Variants in ZNF516 observed in about 807,000 individuals in gnomAD.
ZNF516 encodes the protein zinc finger protein 516.
In ZNF516, 19 loss-of-function variants were observed where a neutral mutation model predicts 79.7. The observed-to-expected ratio is 0.24, with a 90% confidence interval of 0.17 to 0.35. ZNF516 has a LOEUF of 0.35. Ranked by LOEUF, ZNF516 falls within the 10% of genes least tolerant of loss-of-function variation. The probability of loss-of-function intolerance (pLI) is 1.00; values close to 1 mark genes in which losing one functional copy is unlikely to be tolerated. For synonymous variants in ZNF516, 877 were observed against 739.5 expected (o/e 1.19, Z -3.02); for missense variants, 1,678 against 1,679.5 (o/e 1.00, Z 0.02).
intron 3 of ZNF516, among the ~76,000 whole-genome samples, chr18:76,410,208 C>G (rs1333671878): frequency 6.6e-6 from 1 of 152,182 alleles, no homozygotes. Flanking sequence ...TGCTGGCTGG[C>G]AAGGACAGGG....
chr18:76,454,553 A>G (rs937841418), intron 2 of ZNF516, among the ~76,000 whole-genome samples: 3 of 152,354 alleles, frequency 2.0e-5, no homozygotes, highest in South Asian at 2.1e-4. Context: ...TAACATACAC[A>G]GCACCTTTGA....
chr18:76,406,893 G>A (rs1193904285), intron 3 of ZNF516, among the ~76,000 whole-genome samples: 4 of 152,186 alleles, frequency 2.6e-5, no homozygotes, highest in African/African-American at 4.8e-5. Flanking sequence ...CAGCAGCCGA[G>A]TGGCCGCATC....
chr18:76,480,507 A>C (rs1914453662), intron 1 of ZNF516, among the ~76,000 whole-genome samples: 1 of 73,846 alleles, frequency 1.4e-5, no homozygotes, highest in African/African-American at 1.0e-4. Flanking sequence ...ACACACACAC[A>C]CACACACACA....
intron 1 of ZNF516, among the ~76,000 whole-genome samples, chr18:76,469,535 T>C (rs1913702916): frequency 6.6e-6 from 1 of 152,116 alleles, no homozygotes; most frequent in Admixed American, 6.6e-5. Flanking sequence ...TAAGAAGAAA[T>C]TAAAAATTAC....
Position 76,360,785 on chromosome 18 carries a change from T to C in ZNF516, c.*1713A>G. Reference sequence around the variant, plus strand: ...AGAATCCAGAACCAAACATTACTAATAACAATAACAATAATAATAATAATA... The same window carrying C: ...AGAATCCAGAACCAAACATTACTAACAACAATAACAATAATAATAATAATA... On this transcript the variant is annotated 3_prime_UTR_variant, in exon 7 of 7. Coordinates refer to ENST00000443185, the MANE Select transcript of ZNF516 (RefSeq NM_014643.4). The C allele has an allele frequency of 7.2e-6, 1 of 138,808 alleles. No individual in the cohort carries two copies. Among genetic ancestry groups the C allele is most frequent in the South Asian group, 2.2e-4 (1 of 4,556 alleles). The allele number at this position is 138,808 out of a possible 1,614,324, so 8.6% of individuals were successfully genotyped here. A position where few individuals can be genotyped will look rare whatever the true frequency, so the allele number is the denominator to read the frequency against.
Position 76,380,198 on chromosome 18 carries a change from G to T in ZNF516, c.1916C>A (p.Thr639Asn). 6.2e-7 allele frequency: 1 copy of T among 1,613,974 alleles called. No individual in the cohort carries two copies. Among genetic ancestry groups the T allele is most frequent in the South Asian group, 1.1e-5 (1 of 91,082 alleles). Reference protein sequence around the residue: ...KMGDNASERDTGESKAGIAAS... With the variant: ...KMGDNASERDNGESKAGIAAS... ...TGCGATCCCTGCCTTGGACTCGCCG[G>T]TGTCTCTTTCCGAGGCGTTATCTCC... Residue 639 changes from threonine to asparagine, a missense_variant, in exon 4 of 7, where the codon ACC becomes AAC. Physicochemically the swap from Thr to Asn is moderately conservative, Grantham distance 65. Coordinates refer to ENST00000443185, the MANE Select transcript of ZNF516 (RefSeq NM_014643.4).
chr18:76,417,174 G>A (rs141964641), intron 3 of ZNF516, among the ~76,000 whole-genome samples: 34 of 152,300 alleles, frequency 2.2e-4, no homozygotes, highest in Admixed American at 6.5e-4. Context: ...ATGCCGCAGC[G>A]GCTACTGAAC....
Position 76,362,400 on chromosome 18 carries a change from C to A in ZNF516, c.*98G>T. On this transcript the variant is annotated 3_prime_UTR_variant, in exon 7 of 7. Transcript: ENST00000443185. ...CTCAGGAGTTCCCCGGCTGTTCTTC[C>A]ATGGAGCGGCCAGGTCACAGGTGGG... 1 of 1,236,142 alleles carries A rather than the reference C, an allele frequency of 8.1e-7. No homozygotes were observed. The highest frequency in any genetic ancestry group is 1.2e-6 in the Non-Finnish European group (1 of 866,104). 76.6% of individuals were successfully genotyped at this position (1,236,142 alleles called of 1,614,324 possible).
intron 3 of ZNF516, among the ~76,000 whole-genome samples, chr18:76,384,905 A>T (rs1427932559): frequency 6.6e-6 from 1 of 152,232 alleles, no homozygotes; most frequent in Non-Finnish European, 1.5e-5. Flanking sequence ...GGCCCTGCAT[A>T]GATGGCTGCC....
At chr18:76,465,076 G>A (rs902440928) in intron 1 of ZNF516, among the ~76,000 whole-genome samples, 12 of 152,232 alleles carry the variant, frequency 7.9e-5, no homozygotes, top group African/African-American at 2.4e-4. Flanking sequence ...GGCTCGCCAC[G>A]CAGCTCAAGG....
At chr18:76,458,590 G>A (rs1411520708) in intron 2 of ZNF516, among the ~76,000 whole-genome samples, 2 of 152,200 alleles carry the variant, frequency 1.3e-5, no homozygotes, top group African/African-American at 2.4e-5. Flanking sequence ...CCCTCAGGAC[G>A]GGGCATGCAC....
rs779692365 is a variant in ZNF516 at position 76,442,398 on chromosome 18, G to C, written c.657C>G (p.Ile219Met). Residue 219 changes from isoleucine to methionine, a missense_variant, in exon 3 of 7, where the codon ATC (isoleucine) becomes ATG (methionine). Physicochemically the swap from Ile to Met is conservative, Grantham distance 10. This residue lies in a region of ZNF516 where 279 missense variants were observed against 254.1 expected (regional missense o/e 1.10). Transcript: ENST00000443185. ...CCTGCGCGGTGATGTGGTCCCTCTCGATGTGGCTCAGCAGCGACTCCTCCC... is the reference window on the plus strand; with the variant it reads ...CCTGCGCGGTGATGTGGTCCCTCTCCATGTGGCTCAGCAGCGACTCCTCCC... ...TLREESLLSH[I>M]ERDHITAQGP... The C allele has an allele frequency of 2.5e-6, 4 of 1,608,302 alleles. No individual in the cohort carries two copies. Among genetic ancestry groups the C allele is most frequent in the Non-Finnish European group, 3.4e-6 (4 of 1,179,640 alleles).
intron 2 of ZNF516, among the ~76,000 whole-genome samples, chr18:76,455,562 G>C (rs1294057297): frequency 6.6e-6 from 1 of 152,218 alleles, no homozygotes; most frequent in East Asian, 1.9e-4. Flanking sequence ...GCCAAGGGCA[G>C]ACAGGAGAGC....
intron 3 of ZNF516, among the ~76,000 whole-genome samples, chr18:76,423,768 G>A (rs1478036409): frequency 3.9e-5 from 5 of 129,162 alleles, no homozygotes; most frequent in South Asian, 2.5e-4. Context: ...AGGCTCCCCC[G>A]AAACACACGC....
At chr18:76,458,625 TCGTGCGTGTG>T in intron 2 of ZNF516, among the ~76,000 whole-genome samples, 1 of 132,840 alleles carries the variant, frequency 7.5e-6, no homozygotes. Context: ...GGCCTCACCG[TCGTGCGTGTG>T]CATGCCTCAC....
At chr18:76,396,257 T>A (rs1331892624) in intron 3 of ZNF516, among the ~76,000 whole-genome samples, 10 of 152,064 alleles carry the variant, frequency 6.6e-5, no homozygotes, top group Admixed American at 6.5e-4. Flanking sequence ...TACAAGTGTA[T>A]GGGCATGGGG....
At chr18:76,406,415 T>C (rs563244102) in intron 3 of ZNF516, among the ~76,000 whole-genome samples, 8 of 151,906 alleles carry the variant, frequency 5.3e-5, no homozygotes, top group African/African-American at 1.9e-4. Context: ...AATACAAAAA[T>C]TAGCCGAGCA....
intron 3 of ZNF516, among the ~76,000 whole-genome samples, chr18:76,406,969 C>T (rs2075312171): frequency 1.3e-5 from 2 of 152,178 alleles, no homozygotes; most frequent in Admixed American, 6.5e-5. Flanking sequence ...TTTGCTAACC[C>T]GGGGCACACA....
chr18:76,441,792 C>A lies in ZNF516; in HGVS notation c.1263G>T (p.Leu421=). Residue 421 remains leucine (L), a synonymous_variant, in exon 3 of 7, where the codon CTG becomes CTT. Transcript: ENST00000443185. ...GCTCGGCCACCTTACCCCGCGTGGC[C>A]AGCTGCCAGGCCTGGTAGCTGTTGA... is the stretch of plus-strand genomic sequence containing the variant. The part of the protein sequence containing the change: ...DPVNSYQAWQ[L]ATRGKVAEPA... 6.4e-7 allele frequency: 1 copy of A among 1,559,880 alleles called. No homozygotes were observed. Among genetic ancestry groups the A allele is most frequent in the Non-Finnish European group, 8.6e-7 (1 of 1,159,528 alleles).
Sources: allele counts gnomAD v4.1 joint callset (sites outside exome capture counted in the v4.1 genomes callset), GRCh38; gene constraint gnomAD v4.1.1; regional missense constraint gnomAD v4.1.1; transcripts MANE v1.5; gene names NCBI Gene and HGNC (gene_info 2026-07-23, HGNC 2026-07-21).